Variants in ECT2L observed in about 807,000 individuals in gnomAD.
ECT2L encodes the protein epithelial cell transforming 2 like.
In ECT2L, 126 loss-of-function variants were observed where a neutral mutation model predicts 122.8. The ratio of observed to expected loss-of-function variants is 1.03; its 90% CI spans 0.89 to 1.19. The LOEUF (loss-of-function observed/expected upper bound fraction) is 1.19, where lower values mean the gene tolerates loss of function less well. Among genes scored for constraint, ECT2L ranks in the 50% most tolerant of loss-of-function variants. The probability of loss-of-function intolerance (pLI) is 0.00; values close to 1 mark genes in which losing one functional copy is unlikely to be tolerated. For missense variants in ECT2L, 1,012 were observed against 1,064.1 expected (o/e 0.95, Z 0.68); for synonymous variants, 385 against 381.8 (o/e 1.01, Z -0.10).
chr6:138,873,451 CA>C (rs1778322283), intron 13 of ECT2L, among the ~76,000 whole-genome samples: 1 of 152,194 alleles, frequency 6.6e-6, no homozygotes, highest in Admixed American at 6.5e-5. Flanking sequence ...TCAGAAGCCT[CA>C]GGAGACAAAG....
intron 14 of ECT2L, among the ~76,000 whole-genome samples, chr6:138,877,378 G>A (rs549988248): frequency 5.9e-5 from 9 of 152,302 alleles, no homozygotes; most frequent in Admixed American, 5.9e-4. Context: ...CAGTGGATAT[G>A]AGGGTATCTC....
intron 4 of ECT2L, among the ~76,000 whole-genome samples, chr6:138,819,211 T>G (rs555094673): frequency 4.8e-5 from 7 of 146,494 alleles, no homozygotes; most frequent in African/African-American, 1.8e-4. Flanking sequence ...ATTGGGATGG[T>G]TTTTAGAGGT....
intron 1 of ECT2L, among the ~76,000 whole-genome samples, chr6:138,800,408 C>T (rs1196457299): frequency 6.6e-6 from 1 of 152,168 alleles, no homozygotes; most frequent in East Asian, 1.9e-4. Flanking sequence ...AGGTTTTGAG[C>T]CTCTCTTGGT....
intron 18 of ECT2L, among the ~76,000 whole-genome samples, chr6:138,886,557 G>A (rs944269406): frequency 1.3e-5 from 2 of 151,762 alleles, no homozygotes; most frequent in African/African-American, 4.8e-5. Flanking sequence ...ACAGGCAGGC[G>A]CCACCATGCT....
At position 138,901,093 on chromosome 6, in the gene ECT2L, C is replaced by T. The variant is rs750647384; in HGVS notation, c.2560C>T (p.Leu854Phe). ...FIASVALHRLLIENIPDSKYV... is the reference protein window; with the variant it reads ...FIASVALHRLFIENIPDSKYV... ...TGCATCAGTGGCCCTTCATCGGTTA[C>T]TCATAGAAAATATTCCAGATTCCAA... The change falls in exon 21 of 22, where the codon CTC becomes TTC. Residue 854 changes from leucine (L) to phenylalanine (F), a missense_variant. Leu to Phe is a conservative substitution (Grantham distance 22). Coordinates refer to ENST00000541398, the MANE Select transcript of ECT2L (RefSeq NM_001077706.3). 1.2e-6 allele frequency: 2 copies of T among 1,614,062 alleles called. No homozygotes were observed. The highest frequency in any genetic ancestry group is 4.5e-5 in the East Asian group (2 of 44,882).
chr6:138,869,481 G>A (rs773793842), intron 13 of ECT2L, among the ~76,000 whole-genome samples: 13 of 152,202 alleles, frequency 8.5e-5, no homozygotes, highest in Non-Finnish European at 1.5e-4. Flanking sequence ...GGGCTGCGAA[G>A]CTGCATTAGC....
chr6:138,800,755 A>G (rs1583534642), intron 1 of ECT2L, among the ~76,000 whole-genome samples: 2 of 152,298 alleles, frequency 1.3e-5, no homozygotes, highest in Admixed American at 1.3e-4. Flanking sequence ...TGAATTTGGA[A>G]AATTGGCAGA....
intron 20 of ECT2L, among the ~76,000 whole-genome samples, chr6:138,889,654 G>A (rs771825685): frequency 1.3e-4 from 20 of 152,108 alleles, no homozygotes; most frequent in Non-Finnish European, 2.2e-4. Flanking sequence ...AGTGTTGTGG[G>A]ATTTTCACAC....
intron 6 of ECT2L, among the ~76,000 whole-genome samples, chr6:138,843,488 C>A (rs891640207): frequency 4.0e-5 from 6 of 151,464 alleles, no homozygotes; most frequent in African/African-American, 1.2e-4. Context: ...GCTTATAAGA[C>A]CAAAAACAAA....
In ECT2L at chr6:138,865,183, G is replaced by A; in HGVS notation, c.1474+5G>A. The A allele has an allele frequency of 6.2e-7, 1 of 1,602,322 alleles. No individual in the cohort carries two copies. Among genetic ancestry groups the A allele is most frequent in the South Asian group, 1.1e-5 (1 of 90,112 alleles). On this transcript the variant is annotated splice_donor_5th_base_variant and intron_variant, in intron 12 of 21. Coordinates refer to ENST00000541398, the MANE Select transcript of ECT2L (RefSeq NM_001077706.3). Reference sequence around the variant, plus strand: ...GCATCAGTGGCAGGATGATAGGTAAGCAGTCTTGCTACTTCTGTTGCAGGT... The same window carrying A: ...GCATCAGTGGCAGGATGATAGGTAAACAGTCTTGCTACTTCTGTTGCAGGT...
In ECT2L at chr6:138,899,221, CA is replaced by C. The variant is rs759952584; in HGVS notation, c.2415-1724del. ...AGGGGACCCAAGCCTCTAAACAAAG[CA>C]AATGTCCATCAAAGGAGAACACCCA... On this transcript the variant is annotated intron_variant, in intron 20 of 21. Coordinates refer to ENST00000541398, the MANE Select transcript of ECT2L (RefSeq NM_001077706.3). Among the ~76,000 whole-genome samples, 12 of 151,684 alleles carry C rather than the reference CA, an allele frequency of 7.9e-5. No homozygotes were observed. The East Asian group carries it at 1.9e-3, about 24-fold the overall frequency.
At chr6:138,868,642 A>T (rs1175891728) in intron 13 of ECT2L, among the ~76,000 whole-genome samples, 1 of 152,248 alleles carries the variant, frequency 6.6e-6, no homozygotes, top group Non-Finnish European at 1.5e-5. Flanking sequence ...GAAGGGAAAG[A>T]GAACACAACG....
chr6:138,885,140 T>C (rs985535980), intron 16 of ECT2L, among the ~76,000 whole-genome samples: 4 of 150,954 alleles, frequency 2.6e-5, no homozygotes, highest in African/African-American at 4.9e-5. Flanking sequence ...GCCATTCTTC[T>C]GCCTCAGCCT....
At chr6:138,902,462 T>C in intron 21 of ECT2L, 38 bp from the exon 22 acceptor site, 1 of 1,572,140 alleles carries the variant, frequency 6.4e-7, no homozygotes, top group Non-Finnish European at 8.6e-7. Context: ...GATTGTTATC[T>C]GCAAAGATTA....
chr6:138,873,900 G>GTGTGTGTGTGTGTGTA (rs1351276557), intron 13 of ECT2L, among the ~76,000 whole-genome samples: 116 of 150,858 alleles, frequency 7.7e-4, no homozygotes, highest in African/African-American at 2.6e-3. Flanking sequence ...GTGTGTGTGT[G>GTGTGTGTGTGTGTGTA]TGTGTGTGTG....
intron 10 of ECT2L, among the ~76,000 whole-genome samples, chr6:138,861,612 G>T (rs1777834874): frequency 6.6e-6 from 1 of 152,080 alleles, no homozygotes; most frequent in Admixed American, 6.6e-5. Context: ...GTTCCTTGTA[G>T]ATTCTGGATA....
At chr6:138,890,878 A>G (rs1779000022) in intron 20 of ECT2L, among the ~76,000 whole-genome samples, 1 of 152,048 alleles carries the variant, frequency 6.6e-6, no homozygotes, top group Non-Finnish European at 1.5e-5. Flanking sequence ...TCCTTATTTC[A>G]TTCCACACTC....
chr6:138,814,862 A>G (rs146492978), intron 4 of ECT2L, among the ~76,000 whole-genome samples: 6 of 152,316 alleles, frequency 3.9e-5, no homozygotes, highest in Non-Finnish European at 8.8e-5. Flanking sequence ...TCAGTCAGTG[A>G]ATTTTTAACA....
intron 4 of ECT2L, among the ~76,000 whole-genome samples, chr6:138,832,557 A>G (rs1776682481): frequency 6.6e-6 from 1 of 152,178 alleles, no homozygotes; most frequent in South Asian, 2.1e-4. Flanking sequence ...TGCAAGGTAC[A>G]GGCCTGTTCT....
Sources: gnomAD v4.1 joint callset for allele counts (sites outside exome capture counted in the v4.1 genomes callset) on GRCh38, gnomAD v4.1.1 for gene constraint, MANE v1.5 for transcripts, NCBI Gene and HGNC (gene_info 2026-07-23, HGNC 2026-07-21) for gene names.